The following PTPRN2 variants were observed in gnomAD, a reference collection of about 807,000 sequenced individuals.
PTPRN2 encodes the protein protein tyrosine phosphatase receptor type N2.
Under a neutral mutation model 118.8 loss-of-function variants are expected in PTPRN2, and 74 were observed. The ratio of observed to expected loss-of-function variants is 0.62; its 90% CI spans 0.52 to 0.76. PTPRN2 has a LOEUF of 0.76. PTPRN2 is among the 30% of genes least tolerant of loss of function. The probability of loss-of-function intolerance (pLI) is 0.00; values close to 1 mark genes in which losing one functional copy is unlikely to be tolerated. For synonymous variants in PTPRN2, 641 were observed against 608.0 expected, an observed-to-expected ratio of 1.05 and a Z score of -0.80; for missense variants, 1,481 against 1,394.4, an observed-to-expected ratio of 1.06 and a Z score of -0.99.
chr7:158,502,692 C>T (rs1822456452), intron 1 of PTPRN2, among the ~76,000 whole-genome samples: 1 of 152,280 alleles, frequency 6.6e-6, no homozygotes, highest in African/African-American at 2.4e-5. Context: ...GATTCCACAG[C>T]CTGATTTTAC....
At chr7:157,557,552 C>CCCCACA (rs139001071) in intron 21 of PTPRN2, among the ~76,000 whole-genome samples, 1 of 149,730 alleles carries the variant, frequency 6.7e-6, no homozygotes, top group East Asian at 2.0e-4. Context: ...ACACACACTC[C>CCCCACA]CACACACACA....
At chr7:158,142,105 G>A (rs901147704) in intron 6 of PTPRN2, among the ~76,000 whole-genome samples, 2 of 152,186 alleles carry the variant, frequency 1.3e-5, no homozygotes, top group Admixed American at 1.3e-4. Context: ...GGGCCCTGCT[G>A]ACCCTGGGGG....
At chr7:157,589,208 G>A (rs906771287) in intron 17 of PTPRN2, among the ~76,000 whole-genome samples, 3 of 152,188 alleles carry the variant, frequency 2.0e-5, no homozygotes, top group African/African-American at 7.2e-5. Context: ...GTGGAATGAT[G>A]GGAGGCTCAC....
At chr7:157,623,633 G>A (rs1214866356) in intron 14 of PTPRN2, among the ~76,000 whole-genome samples, 1 of 152,158 alleles carries the variant, frequency 6.6e-6, no homozygotes, top group Admixed American at 6.5e-5. Context: ...AAGTTCTCTT[G>A]AATTTCTAAA....
chr7:158,290,905 T>C (rs1395076678), intron 3 of PTPRN2, among the ~76,000 whole-genome samples: 1 of 152,226 alleles, frequency 6.6e-6, no homozygotes, highest in Non-Finnish European at 1.5e-5. Flanking sequence ...CTTGCTGATG[T>C]CCATCTCTGA....
chr7:158,332,344 GAC>G (rs1804651728), intron 2 of PTPRN2, among the ~76,000 whole-genome samples: 1 of 48,904 alleles, frequency 2.0e-5, no homozygotes, highest in Non-Finnish European at 5.5e-5. Flanking sequence ...GCCCACAGAG[GAC>G]ACTCACACCC....
intron 11 of PTPRN2, among the ~76,000 whole-genome samples, chr7:157,910,422 C>T (rs1798031809): frequency 6.9e-6 from 1 of 145,032 alleles, no homozygotes; most frequent in Non-Finnish European, 1.5e-5. Context: ...GCACGTACGC[C>T]GTGGGAACGG....
At chr7:157,791,809 T>A in intron 12 of PTPRN2, among the ~76,000 whole-genome samples, 1 of 152,244 alleles carries the variant, frequency 6.6e-6, no homozygotes, top group Non-Finnish European at 1.5e-5. Flanking sequence ...CCATGTTTCC[T>A]GAGGACCTGG....
At chr7:158,347,796 T>A (rs988322741) in intron 2 of PTPRN2, among the ~76,000 whole-genome samples, 1 of 152,262 alleles carries the variant, frequency 6.6e-6, no homozygotes, top group African/African-American at 2.4e-5. Context: ...CTCATAGTTT[T>A]CAGTGTACAG....
At chr7:158,176,784 A>C (rs963610592) in intron 5 of PTPRN2, among the ~76,000 whole-genome samples, 35 of 152,252 alleles carry the variant, frequency 2.3e-4, no homozygotes, top group African/African-American at 8.0e-4. Context: ...AAAGGTCATA[A>C]GAACAATCAC....
intron 5 of PTPRN2, among the ~76,000 whole-genome samples, chr7:158,170,051 A>C (rs192089791): frequency 3.5e-4 from 53 of 152,352 alleles, no homozygotes; most frequent in Admixed American, 2.2e-3. Flanking sequence ...GCTATCATCC[A>C]AATTGCTTAA....
Position 157,902,241 on chromosome 7 carries a change from G to A in PTPRN2, c.1724-3504C>T, listed in dbSNP as rs117193649. 5.6e-3 allele frequency among the ~76,000 whole-genome samples: 859 copies of A among 152,246 alleles called. 10 individuals carry two copies. Among genetic ancestry groups the A allele is most frequent in the Non-Finnish European group, 6.4e-3 (437 of 67,982 alleles). On this transcript the variant is annotated intron_variant, in intron 11 of 22. Transcript: ENST00000389418. ...AACTTCCGGAAAGGGCGTCAGCTGC[G>A]GCCAATAGTGACTCAGAGGATGATC...
intron 2 of PTPRN2, among the ~76,000 whole-genome samples, chr7:158,325,746 C>T (rs7809076): frequency 0.55 from 83,326 of 152,158 alleles, 23,051 homozygotes; most frequent in South Asian, 0.58. Context: ...GGCAGAACCC[C>T]GGCGGAGCAA....
chr7:158,318,705 G>A (rs1586236551), intron 2 of PTPRN2, among the ~76,000 whole-genome samples: 1 of 152,258 alleles, frequency 6.6e-6, no homozygotes. Flanking sequence ...GACGGTGCCG[G>A]CTGCCTGCAG....
intron 12 of PTPRN2, among the ~76,000 whole-genome samples, chr7:157,791,416 C>T (rs901185969): frequency 3.9e-5 from 6 of 152,362 alleles, no homozygotes; most frequent in Admixed American, 2.0e-4. Context: ...GGAAGCGGAG[C>T]GGCCGCTGGG....
rs1347690926 is a variant in PTPRN2, at chr7:157,974,029, C to T, written c.1724-75292G>A. Among the ~76,000 whole-genome samples the T allele has an allele frequency of 6.6e-6, 1 of 152,196 alleles. No individual in the cohort carries two copies. Among genetic ancestry groups the T allele is most frequent in the Admixed American group, 6.5e-5 (1 of 15,274 alleles). ...ATACATTTATATTAGATCTCTCTGA[C>T]CACTGCTGTTGACGTTGGCGGGGTA... On this transcript the variant is annotated intron_variant, in intron 11 of 22. Coordinates refer to ENST00000389418, the MANE Select transcript of PTPRN2 (RefSeq NM_002847.5). The surrounding 1 kb of genome is among the most constrained non-coding windows in gnomAD (Gnocchi z 4.0).
intron 3 of PTPRN2, among the ~76,000 whole-genome samples, chr7:158,281,659 G>A (rs923829093): frequency 6.6e-6 from 1 of 152,172 alleles, no homozygotes; most frequent in African/African-American, 2.4e-5. Context: ...ACGCTCAGGT[G>A]TGTGGCATGC....
intron 3 of PTPRN2, among the ~76,000 whole-genome samples, chr7:158,277,155 A>C (rs1330164690): frequency 6.6e-6 from 1 of 151,266 alleles, no homozygotes; most frequent in South Asian, 2.1e-4. Context: ...GCGCACATAC[A>C]CGTGCACATA....
chr7:158,329,851 T>A (rs1804010193), intron 2 of PTPRN2, among the ~76,000 whole-genome samples: 2 of 152,144 alleles, frequency 1.3e-5, no homozygotes, highest in Admixed American at 6.5e-5. Context: ...CACTTTCACT[T>A]TAGACTGTAG....
Sources: gnomAD v4.1 joint callset for allele counts (sites outside exome capture counted in the v4.1 genomes callset) on GRCh38, gnomAD v4.1.1 for gene constraint, Gnocchi (gnomAD v3.1) non-coding constraint, MANE v1.5 for transcripts, NCBI Gene and HGNC (gene_info 2026-07-23, HGNC 2026-07-21) for gene names.